Variants in TIAM1 observed in about 807,000 individuals in gnomAD.
TIAM1 encodes the protein TIAM Rac1 associated GEF 1, also known as rho guanine nucleotide exchange factor TIAM1.
TIAM1 carries 65 observed loss-of-function variants against 163.5 expected under a neutral mutation model. The observed-to-expected ratio is 0.40, with a 90% CI of 0.33 to 0.49. TIAM1 has a LOEUF of 0.49. Ranked by LOEUF, TIAM1 falls within the 20% of genes least tolerant of loss-of-function variation. The pLI, the probability that TIAM1 is intolerant of heterozygous loss-of-function variation, is 0.77. For missense variants in TIAM1, 1,789 were observed against 2,044.7 expected (o/e 0.87, Z 2.41); for synonymous variants, 833 against 810.1 (o/e 1.03, Z -0.48).
At chr21:31,355,178 A>G (rs997260383) in intron 2 of TIAM1, among the ~76,000 whole-genome samples, 32 of 151,758 alleles carry the variant, frequency 2.1e-4, no homozygotes, top group African/African-American at 7.7e-4. Context: ...ACCACCAAAA[A>G]AAAAAAAAAA....
intron 1 of TIAM1, among the ~76,000 whole-genome samples, chr21:31,495,817 C>G (rs978480661): frequency 6.6e-6 from 1 of 152,084 alleles, no homozygotes; most frequent in Non-Finnish European, 1.5e-5. Context: ...ACTAAAAATA[C>G]AAAATTTAGC....
At position 31,355,527 on chromosome 21, in the gene TIAM1, TATTATTTA is replaced by T. The variant is rs1423108506; in HGVS notation, c.-368-16113_-368-16106del. On this transcript the variant is annotated intron_variant, in intron 2 of 28. Coordinates refer to the TIAM1 transcript ENST00000286827. Reference sequence around the variant, plus strand: ...TTCCCTGATTTATTTTTCTCTCCTTTATTATTTATTTATTTATTTATTTATTTATTTAT... The same window carrying T: ...TTCCCTGATTTATTTTTCTCTCCTTTTTTATTTATTTATTTATTTATTTAT... 3.9e-4 allele frequency among the ~76,000 whole-genome samples: 45 copies of T among 116,476 alleles called. No individual in the cohort carries two copies. The South Asian group carries it at 4.0e-3, about 10-fold the overall frequency. 76.4% of individuals were successfully genotyped at this position (116,476 alleles called of 152,430 possible). A position where few individuals can be genotyped will look rare whatever the true frequency, so the allele number is the denominator to read the frequency against.
intron 7 of TIAM1, 101 bp from the exon 8 acceptor site, chr21:31,223,692 T>C: frequency 2.4e-6 from 3 of 1,231,686 alleles, no homozygotes; most frequent in Non-Finnish European, 2.2e-6. Flanking sequence ...AGGCATTCAT[T>C]ATAATCCTAA....
intron 2 of TIAM1, among the ~76,000 whole-genome samples, chr21:31,282,385 G>A (rs1055267601): frequency 2.0e-5 from 3 of 152,234 alleles, no homozygotes; most frequent in African/African-American, 7.2e-5. Context: ...GAAGACGCAG[G>A]ATACTGCTGC....
chr21:31,342,828 T>C lies in TIAM1; in HGVS notation c.-369+1310A>G, dbSNP rs897710731. Among the ~76,000 whole-genome samples the C allele has an allele frequency of 3.3e-5, 5 of 152,298 alleles. No homozygotes were observed. The South Asian group carries it at 1.0e-3, about 32-fold the overall frequency. ...GATTTGGTTTAAAAGTAATTTCCTC[T>C]CCATCTGTATCTTTAACTTCAAGGA... is the stretch of plus-strand genomic sequence containing the variant. On this transcript the variant is annotated intron_variant, in intron 1 of 27. Coordinates refer to ENST00000541036, the MANE Select transcript of TIAM1 (RefSeq NM_001353694.2).
chr21:31,485,329 T>A (rs1439685737), intron 1 of TIAM1, among the ~76,000 whole-genome samples: 1 of 152,096 alleles, frequency 6.6e-6, no homozygotes, highest in East Asian at 1.9e-4. Flanking sequence ...CCTCACATCT[T>A]ACAACACAGA....
intron 1 of TIAM1, among the ~76,000 whole-genome samples, chr21:31,484,098 T>G (rs1421722753): frequency 6.6e-6 from 1 of 152,140 alleles, no homozygotes; most frequent in Non-Finnish European, 1.5e-5. Context: ...ACGGCAAAAG[T>G]TGGCTGTCTA....
At chr21:31,177,468 G>A (rs9636848) in intron 15 of TIAM1, among the ~76,000 whole-genome samples, 14,507 of 152,186 alleles carry the variant, frequency 0.095, 1,370 homozygotes, top group African/African-American at 0.25. Flanking sequence ...TTAGCCGGGC[G>A]TGGTGGCGGA....
intron 7 of TIAM1, among the ~76,000 whole-genome samples, chr21:31,223,827 C>T (rs573387346): frequency 2.6e-5 from 4 of 152,242 alleles, no homozygotes; most frequent in Admixed American, 6.5e-5. Flanking sequence ...TCTTGGAGTT[C>T]GTACTGGGGG....
At chr21:31,292,235 A>G (rs1028699903) in intron 2 of TIAM1, among the ~76,000 whole-genome samples, 2 of 152,106 alleles carry the variant, frequency 1.3e-5, no homozygotes, top group Non-Finnish European at 2.9e-5. Context: ...GAGCTTCATG[A>G]ATATTCATTT....
At chr21:31,430,034 C>T (rs7281896) in intron 2 of TIAM1, among the ~76,000 whole-genome samples, 5,853 of 151,470 alleles carry the variant, frequency 0.039, 373 homozygotes, top group African/African-American at 0.13. Context: ...GGTGAAACCC[C>T]GTCTCTACTA....
chr21:31,319,032 C>A (rs1354506994), intron 2 of TIAM1, among the ~76,000 whole-genome samples: 4 of 152,172 alleles, frequency 2.6e-5, no homozygotes, highest in African/African-American at 9.7e-5. Context: ...CCCAGCTAAA[C>A]CTCTGAGTTT....
intron 20 of TIAM1, among the ~76,000 whole-genome samples, chr21:31,145,339 T>C (rs769542230): frequency 1.2e-3 from 188 of 152,310 alleles, no homozygotes; most frequent in Non-Finnish European, 2.0e-3. Flanking sequence ...CTAGTTCTCT[T>C]TGGCAGCAAA....
intron 1 of TIAM1, among the ~76,000 whole-genome samples, chr21:31,501,947 A>C (rs572838744): frequency 1.5e-4 from 23 of 152,280 alleles, no homozygotes; most frequent in African/African-American, 5.1e-4. Context: ...CTTGCTTGGA[A>C]ATGTGGGACC....
chr21:31,422,999 A>G (rs991472093), intron 2 of TIAM1, among the ~76,000 whole-genome samples: 8 of 13,260 alleles, frequency 6.0e-4, no homozygotes, highest in African/African-American at 2.6e-3. Flanking sequence ...TTACTGTATC[A>G]CTGTATCACT....
At chr21:31,482,301 G>A (rs572867159) in intron 1 of TIAM1, among the ~76,000 whole-genome samples, 10 of 151,870 alleles carry the variant, frequency 6.6e-5, no homozygotes, top group Admixed American at 1.3e-4. Context: ...ACAGGCTCCC[G>A]CCACCATGCC....
intron 16 of TIAM1, 78 bp downstream of exon 16, chr21:31,164,884 A>G (rs1052425115): frequency 7.6e-5 from 110 of 1,448,376 alleles, no homozygotes; most frequent in Non-Finnish European, 9.5e-5. Context: ...GTAACCACAT[A>G]CAGCTGTGTA....
chr21:31,228,366 C>A (rs2088186995), intron 6 of TIAM1, among the ~76,000 whole-genome samples: 2 of 149,922 alleles, frequency 1.3e-5, no homozygotes, highest in South Asian at 4.3e-4. Flanking sequence ...TAAACTTGTA[C>A]AACTGCTTTA....
intron 2 of TIAM1, among the ~76,000 whole-genome samples, chr21:31,409,657 A>T (rs1475047481): frequency 1.3e-5 from 2 of 152,144 alleles, no homozygotes; most frequent in Non-Finnish European, 2.9e-5. Flanking sequence ...CTTCCCTTGC[A>T]GCCATGGCTT....
Sources: allele counts gnomAD v4.1 joint callset (sites outside exome capture counted in the v4.1 genomes callset), GRCh38; gene constraint gnomAD v4.1.1; transcripts MANE v1.5; gene names NCBI Gene and HGNC (gene_info 2026-07-23, HGNC 2026-07-21).